The following FIP1L1 variants were observed in gnomAD, a reference collection of about 807,000 sequenced individuals.
FIP1L1 encodes the protein factor interacting with PAPOLA and CPSF1.
A neutral mutation model predicts 84.6 loss-of-function variants in FIP1L1; 21 were observed. The observed-to-expected ratio is 0.25, with a 90% CI of 0.18 to 0.36. The LOEUF is 0.36. Among genes scored for constraint, FIP1L1 ranks in the 10% least tolerant of loss-of-function variants. FIP1L1 has a pLI of 1.00. For missense variants in FIP1L1, 526 were observed against 751.1 expected, an observed-to-expected ratio of 0.70 and a Z score of 3.50; for synonymous variants, 263 against 242.3, an observed-to-expected ratio of 1.09 and a Z score of -0.80.
chr4:53,458,932 A>C, intron 17 of FIP1L1, 142 bp downstream of exon 17: 2 of 920,422 alleles, frequency 2.2e-6, no homozygotes, highest in Non-Finnish European at 3.2e-6. Context: ...GCCTTGTCTC[A>C]AATTTTTTTA....
chr4:53,391,388 TATTATG>T lies in FIP1L1; in HGVS notation c.637-41_637-36del, dbSNP rs746640128. On this transcript the variant is annotated intron_variant, in intron 8 of 17. Coordinates refer to ENST00000337488, the MANE Select transcript of FIP1L1 (RefSeq NM_030917.4). The stretch of plus-strand genomic sequence containing the variant: ...GTCTTTATATGGCCTATTAATTAAA[TATTATG>T]TGGTATCTTAATGGGGAATATGTTA... 10 of 1,516,636 alleles carry T rather than the reference TATTATG, an allele frequency of 6.6e-6. No homozygotes were observed. The Middle Eastern group carries it at 1.2e-3, about 184-fold the overall frequency. The allele number at this position is 1,516,636 out of a possible 1,614,324, so 93.9% of individuals were successfully genotyped here.
At chr4:53,378,772 C>CA (rs1482763180) in intron 1 of FIP1L1, 3 of 343,414 alleles carry the variant, frequency 8.7e-6, no homozygotes, top group Non-Finnish European at 1.6e-5. Context: ...TTGCCTAAAA[C>CA]ATATATTCTT....
At chr4:53,440,689 G>C in intron 13 of FIP1L1, 1 of 964,026 alleles carries the variant, frequency 1.0e-6, no homozygotes, top group South Asian at 1.4e-5. Context: ...AGACGGTGTT[G>C]ATGCGGTTAG....
chr4:53,422,371 T>TA (rs1762723093), intron 11 of FIP1L1, among the ~76,000 whole-genome samples: 2 of 152,126 alleles, frequency 1.3e-5, no homozygotes, highest in African/African-American at 2.4e-5. Flanking sequence ...GTGTACTTCT[T>TA]ACTGTGTTTT....
Position 53,390,643 on chromosome 4 carries a change from G to T in FIP1L1, c.505+15G>T. ...GCGTAAACCTGGTAAGATTATTGTGGATTATATTAATTTCAATATTTTCAG... is the reference window on the plus strand; with the variant it reads ...GCGTAAACCTGGTAAGATTATTGTGTATTATATTAATTTCAATATTTTCAG... On this transcript the variant is annotated intron_variant, in intron 7 of 17. Transcript: ENST00000337488. 1 of 1,518,470 alleles carries T rather than the reference G, an allele frequency of 6.6e-7. No homozygotes were observed. The highest frequency in any genetic ancestry group is 9.0e-7 in the Non-Finnish European group (1 of 1,109,660). The allele number at this position is 1,518,470 out of a possible 1,614,324, so 94.1% of individuals were successfully genotyped here.
chr4:53,400,157 GC>G (rs914229345), intron 10 of FIP1L1, among the ~76,000 whole-genome samples: 1 of 152,112 alleles, frequency 6.6e-6, no homozygotes, highest in African/African-American at 2.4e-5. Flanking sequence ...TGTTTCCTGT[GC>G]TCCCTATTCT....
intron 13 of FIP1L1, among the ~76,000 whole-genome samples, chr4:53,436,010 A>G (rs1769013944): frequency 6.6e-6 from 1 of 152,212 alleles, no homozygotes; most frequent in Admixed American, 6.5e-5. Flanking sequence ...GAAAGTGATC[A>G]AGTTTATCTG....
intron 3 of FIP1L1, among the ~76,000 whole-genome samples, chr4:53,381,606 T>C (rs554831566): frequency 6.6e-6 from 1 of 152,324 alleles, no homozygotes; most frequent in East Asian, 1.9e-4. Flanking sequence ...GTGATTGTGC[T>C]ATAAAATGCC....
At chr4:53,435,419 A>G (rs1768691209) in intron 13 of FIP1L1, among the ~76,000 whole-genome samples, 1 of 152,168 alleles carries the variant, frequency 6.6e-6, no homozygotes, top group South Asian at 2.1e-4. Context: ...TGATCGTCTC[A>G]TGATTATATG....
chr4:53,459,576 T>A lies in FIP1L1; in HGVS notation c.*127T>A. 1 of 1,364,518 alleles carries A rather than the reference T, an allele frequency of 7.3e-7. No individual in the cohort carries two copies. The highest frequency in any genetic ancestry group is 1.0e-6 in the Non-Finnish European group (1 of 982,436). The allele number at this position is 1,364,518 out of a possible 1,614,324, so 84.5% of individuals were successfully genotyped here. On this transcript the variant is annotated 3_prime_UTR_variant, in exon 18 of 18. Transcript: ENST00000337488. Reference sequence around the variant, plus strand: ...CTGTTTGTTAGTATGAAAAGTTAACTTTTTTTCCAAAATAAAAGAGTGAAT... The same window carrying A: ...CTGTTTGTTAGTATGAAAAGTTAACATTTTTTCCAAAATAAAAGAGTGAAT...
rs1295232711 is a variant in FIP1L1 at position 53,431,720 on chromosome 4, T to C, written c.1174+3537T>C. Among the ~76,000 whole-genome samples, 4 of 152,338 alleles carry C rather than the reference T, an allele frequency of 2.6e-5. No individual in the cohort carries two copies. The East Asian group carries it at 7.7e-4, about 29-fold the overall frequency. ...TCCCAGCATAATTATTATTCATTCT[T>C]AGAAAGAAATTCCCTGGTTTAGATG... is the stretch of plus-strand genomic sequence containing the variant. On this transcript the variant is annotated intron_variant, in intron 13 of 17. Coordinates refer to ENST00000337488, the MANE Select transcript of FIP1L1 (RefSeq NM_030917.4).
At chr4:53,455,194 C>T (rs1718285560) in intron 16 of FIP1L1, among the ~76,000 whole-genome samples, 1 of 152,132 alleles carries the variant, frequency 6.6e-6, no homozygotes, top group Non-Finnish European at 1.5e-5. Context: ...AAACTTTCTC[C>T]ATATCAGCAA....
Position 53,460,837 on chromosome 4 carries a change from G to C in FIP1L1, c.*1388G>C. 1 of 1,353,734 alleles carries C rather than the reference G, an allele frequency of 7.4e-7. No individual in the cohort carries two copies. Among genetic ancestry groups the C allele is most frequent in the Admixed American group, 2.3e-5 (1 of 42,812 alleles). 83.9% of individuals were successfully genotyped at this position (1,353,734 alleles called of 1,614,324 possible). ...TTTCTTTAAATATAAAAACTGACAA[G>C]ATAAATATAGTGTTTCAACTTCTTA... On this transcript the variant is annotated 3_prime_UTR_variant, in exon 18 of 18. Transcript: ENST00000337488.
At chr4:53,386,252 C>T (rs1455536652) in intron 5 of FIP1L1, among the ~76,000 whole-genome samples, 1 of 151,974 alleles carries the variant, frequency 6.6e-6, no homozygotes, top group Non-Finnish European at 1.5e-5. Flanking sequence ...GATAATGTGC[C>T]TTTATCAAAC....
At chr4:53,439,848 A>G (rs1196604275) in intron 13 of FIP1L1, among the ~76,000 whole-genome samples, 2 of 152,006 alleles carry the variant, frequency 1.3e-5, no homozygotes, top group Admixed American at 1.3e-4. Context: ...TACATTTTAC[A>G]TTAGGCTTTA....
At chr4:53,383,242 G>A (rs1246206342) in intron 4 of FIP1L1, among the ~76,000 whole-genome samples, 1 of 152,074 alleles carries the variant, frequency 6.6e-6, no homozygotes, top group East Asian at 1.9e-4. Context: ...ACAAGGAGAT[G>A]ATGCCAAAAA....
intron 13 of FIP1L1, among the ~76,000 whole-genome samples, chr4:53,429,439 G>A (rs1024019482): frequency 3.3e-5 from 5 of 152,110 alleles, no homozygotes; most frequent in East Asian, 3.9e-4. Context: ...AAATGAAAGA[G>A]GACTTAGGTG....
intron 9 of FIP1L1, among the ~76,000 whole-genome samples, chr4:53,394,363 A>G (rs887908559): frequency 6.6e-6 from 1 of 152,164 alleles, no homozygotes; most frequent in Admixed American, 6.5e-5. Flanking sequence ...AGCTCTGTAC[A>G]TCTGAATAGA....
At position 53,442,698 on chromosome 4, in the gene FIP1L1, C is replaced by T; in HGVS notation, c.1220C>T (p.Thr407Ile). The T allele has an allele frequency of 6.3e-7, 1 of 1,595,370 alleles. No individual in the cohort carries two copies. Among genetic ancestry groups the T allele is most frequent in the Non-Finnish European group, 8.6e-7 (1 of 1,163,594 alleles). ...PGAPPPSLIPTIESGHSSGYD... is the reference protein window; with the variant it reads ...PGAPPPSLIPIIESGHSSGYD... Reference sequence around the variant, plus strand: ...GCTCCACCTCCATCTCTTATACCAACAATAGAAAGGTAAATCAGTATGGAT... The same window carrying T: ...GCTCCACCTCCATCTCTTATACCAATAATAGAAAGGTAAATCAGTATGGAT... Residue 407 changes from threonine to isoleucine, a missense_variant, in exon 14 of 18, where the codon ACA (threonine) becomes ATA (isoleucine). Physicochemically the swap from Thr to Ile is moderately conservative, Grantham distance 89. Transcript: ENST00000337488.
Sources: allele counts gnomAD v4.1 joint callset (sites outside exome capture counted in the v4.1 genomes callset), GRCh38; gene constraint gnomAD v4.1.1; transcripts MANE v1.5; gene names NCBI Gene and HGNC (gene_info 2026-07-23, HGNC 2026-07-21).